Variants in SRGAP1 observed in about 807,000 individuals in gnomAD.
SRGAP1 encodes SLIT-ROBO Rho GTPase activating protein 1.
Under a neutral mutation model 121.9 loss-of-function variants are expected in SRGAP1, and 43 were observed. The observed-to-expected ratio is 0.35, with a 90% CI of 0.28 to 0.46. SRGAP1 has a LOEUF of 0.46. Ranked by LOEUF, SRGAP1 falls within the 20% of genes least tolerant of loss-of-function variation. The pLI is 1.00. For missense variants in SRGAP1, 1,102 were observed against 1,350.9 expected (o/e 0.82, Z 2.89); for synonymous variants, 447 against 485.4 (o/e 0.92, Z 1.04).
At chr12:63,970,575 C>T (rs1054496454) in intron 1 of SRGAP1, among the ~76,000 whole-genome samples, 1 of 152,026 alleles carries the variant, frequency 6.6e-6, no homozygotes, top group Non-Finnish European at 1.5e-5. Flanking sequence ...GACCATAAAA[C>T]AAATAAGAAA....
Position 63,990,029 on chromosome 12 carries a change from G to A in SRGAP1, c.383G>A (p.Arg128Gln), listed in dbSNP as rs757594295. The change falls in exon 3 of 22, where the codon CGG (arginine) becomes CAG (glutamine). Residue 128 changes from arginine to glutamine, a missense_variant. By Grantham distance (43) the Arg-to-Gln change is conservative (BLOSUM62 1). This residue lies in a region of SRGAP1 where 747 missense variants were observed against 929.4 expected (regional missense o/e 0.80). Coordinates refer to ENST00000355086, the MANE Select transcript of SRGAP1 (RefSeq NM_020762.4). ...ATCTATCTGAACAATGTGATTATGC[G>A]GTTCATGCAGATAAGTGAGGATTCT... is the stretch of plus-strand genomic sequence containing the variant. ...SDIYLNNVIM[R>Q]FMQISEDSTR... The A allele has an allele frequency of 1.2e-6, 2 of 1,612,804 alleles. No individual in the cohort carries two copies. Among genetic ancestry groups the A allele is most frequent in the Middle Eastern group, 1.7e-4 (1 of 6,052 alleles).
chr12:64,098,526 C>T (rs2036202726), intron 15 of SRGAP1, among the ~76,000 whole-genome samples: 1 of 151,988 alleles, frequency 6.6e-6, no homozygotes, highest in South Asian at 2.1e-4. Flanking sequence ...AAAAATTAGC[C>T]AGGCATGGTG....
At chr12:63,852,356 A>C (rs765035924) in intron 1 of SRGAP1, among the ~76,000 whole-genome samples, 3 of 152,220 alleles carry the variant, frequency 2.0e-5, no homozygotes, top group African/African-American at 2.4e-5. Context: ...TGAAATTCAA[A>C]TACGTAATCA....
At chr12:63,886,606 A>G (rs540273805) in intron 1 of SRGAP1, among the ~76,000 whole-genome samples, 6 of 151,950 alleles carry the variant, frequency 3.9e-5, no homozygotes, top group Admixed American at 1.3e-4. Context: ...CAGCCTCCCA[A>G]GTAGCTGGGA....
chr12:64,006,832 G>A (rs998860871), intron 3 of SRGAP1, among the ~76,000 whole-genome samples: 1 of 152,098 alleles, frequency 6.6e-6, no homozygotes, highest in Admixed American at 6.5e-5. Flanking sequence ...GATTTTTGCT[G>A]TTGACTTTTA....
rs554207286 is a variant in SRGAP1, at chr12:64,017,636, C to G, written c.489+624C>G. Among the ~76,000 whole-genome samples, 6 of 147,424 alleles carry G rather than the reference C, an allele frequency of 4.1e-5. No individual in the cohort carries two copies. The East Asian group carries it at 1.2e-3, about 29-fold the overall frequency. ...CACCACTGCACTCCAGCCTGGGCAA[C>G]AGAGTGAGACTCTATCTCAAAAAAA... is the stretch of plus-strand genomic sequence containing the variant. On this transcript the variant is annotated intron_variant, in intron 4 of 21. Transcript: ENST00000355086.
chr12:63,874,321 A>G (rs1899958169), intron 1 of SRGAP1, among the ~76,000 whole-genome samples: 1 of 151,778 alleles, frequency 6.6e-6, no homozygotes, highest in Non-Finnish European at 1.5e-5. Context: ...CTCCTGCGTC[A>G]TCCTCCCGAG....
chr12:63,899,640 A>G (rs1900868493), intron 1 of SRGAP1, among the ~76,000 whole-genome samples: 1 of 152,194 alleles, frequency 6.6e-6, no homozygotes, highest in Admixed American at 6.5e-5. Context: ...ACAGCTGGCC[A>G]CCTTTGATTG....
rs951434916 is a variant in SRGAP1, at chr12:64,032,269, T to C, written c.490-10521T>C. On this transcript the variant is annotated intron_variant, in intron 4 of 21. Coordinates refer to ENST00000355086, the MANE Select transcript of SRGAP1 (RefSeq NM_020762.4). ...AGAGGAGGGACCAGCTCCTTCCCAC[T>C]GCAAAGGGCCTAAACTTGCCGAGGT... 3 of 274,016 alleles carry C rather than the reference T, an allele frequency of 1.1e-5. No homozygotes were observed. In the South Asian group the frequency reaches 1.3e-4, roughly 12 times the overall value. The allele number at this position is 274,016 out of a possible 1,614,324, so 17.0% of individuals were successfully genotyped here. A position where few individuals can be genotyped will look rare whatever the true frequency, so the allele number is the denominator to read the frequency against.
chr12:64,057,159 A>G (rs796406105), intron 6 of SRGAP1, among the ~76,000 whole-genome samples: 2 of 151,886 alleles, frequency 1.3e-5, no homozygotes. Context: ...GGCACATGCA[A>G]CTCACTCCTC....
intron 1 of SRGAP1, chr12:63,878,651 G>A (rs993336075): frequency 1.3e-5 from 2 of 152,194 alleles, no homozygotes; most frequent in Non-Finnish European, 2.9e-5. Context: ...GATAGGGAAT[G>A]CCTTGTTTGT....
At chr12:63,891,046 T>C (rs1325393503) in intron 1 of SRGAP1, among the ~76,000 whole-genome samples, 1 of 152,216 alleles carries the variant, frequency 6.6e-6, no homozygotes, top group Non-Finnish European at 1.5e-5. Flanking sequence ...TTTTATTCCT[T>C]GTACAGAAGC....
intron 3 of SRGAP1, among the ~76,000 whole-genome samples, chr12:64,012,885 G>T (rs1261097449): frequency 1.3e-5 from 2 of 151,824 alleles, no homozygotes; most frequent in Non-Finnish European, 2.9e-5. Flanking sequence ...GAATCCATAG[G>T]TGTATTTAAC....
intron 1 of SRGAP1, among the ~76,000 whole-genome samples, chr12:63,947,234 C>T (rs1426500330): frequency 6.6e-6 from 1 of 152,132 alleles, no homozygotes; most frequent in African/African-American, 2.4e-5. Context: ...AGTGATGGTA[C>T]CATTTTACAA....
chr12:64,127,114 C>T (rs1219292602), intron 19 of SRGAP1, among the ~76,000 whole-genome samples: 1 of 152,194 alleles, frequency 6.6e-6, no homozygotes, highest in East Asian at 1.9e-4. Context: ...CCTAGGTGTG[C>T]AATAGGCTCT....
chr12:63,864,924 A>G (rs1899572535), intron 1 of SRGAP1, among the ~76,000 whole-genome samples: 1 of 152,212 alleles, frequency 6.6e-6, no homozygotes, highest in Non-Finnish European at 1.5e-5. Flanking sequence ...ATATGGTTAT[A>G]TAAAAAAATA....
chr12:64,064,609 C>CTGT (rs201634800), intron 7 of SRGAP1, among the ~76,000 whole-genome samples: 1,737 of 151,190 alleles, frequency 0.011, 31 homozygotes, highest in African/African-American at 0.041. Context: ...GATATAAGAA[C>CTGT]TCTTATCCTC....
chr12:63,899,031 G>A (rs1241557769), intron 1 of SRGAP1, among the ~76,000 whole-genome samples: 1 of 152,122 alleles, frequency 6.6e-6, no homozygotes, highest in East Asian at 1.9e-4. Context: ...ACTAAAGTAT[G>A]ATATGCCATA....
At chr12:63,914,472 C>G (rs1223762663) in intron 1 of SRGAP1, among the ~76,000 whole-genome samples, 1 of 152,138 alleles carries the variant, frequency 6.6e-6, no homozygotes, top group Non-Finnish European at 1.5e-5. Context: ...CTCCCTATAT[C>G]TACTACTACA....
Sources: gnomAD v4.1 joint callset for allele counts (sites outside exome capture counted in the v4.1 genomes callset) on GRCh38, gnomAD v4.1.1 for gene constraint, gnomAD v4.1.1 regional missense constraint, MANE v1.5 for transcripts, NCBI Gene and HGNC (gene_info 2026-07-23, HGNC 2026-07-21) for gene names.